The following TECPR2 variants were observed in gnomAD, a reference collection of about 807,000 sequenced individuals.
The protein encoded by TECPR2 is tectonin beta-propeller repeat containing 2.
TECPR2 carries 65 observed loss-of-function variants against 138.1 expected under a neutral mutation model. That is an observed-to-expected ratio of 0.47 (90% CI 0.39 to 0.58). The LOEUF is 0.58. Ranked by LOEUF, TECPR2 falls within the 20% of genes least tolerant of loss-of-function variation. The pLI, the probability that TECPR2 is intolerant of heterozygous loss-of-function variation, is 0.00. For synonymous variants in TECPR2, 746 were observed against 749.8 expected (o/e 0.99, Z 0.08); for missense variants, 1,553 against 1,824.5 (o/e 0.85, Z 2.71).
intron 16 of TECPR2, among the ~76,000 whole-genome samples, chr14:102,463,416 C>CAAAAAAAAA (rs550694466): frequency 5.2e-5 from 2 of 38,520 alleles, no homozygotes; most frequent in African/African-American, 8.3e-5. Context: ...GACTCCGTCT[C>CAAAAAAAAA]AAAAAAAAAA....
chr14:102,399,823 C>G (rs552825860), intron 2 of TECPR2, among the ~76,000 whole-genome samples: 71 of 149,862 alleles, frequency 4.7e-4, no homozygotes, highest in Middle Eastern at 3.4e-3. Flanking sequence ...GAGCAAGACT[C>G]CGTCTCAAAA....
chr14:102,407,908 A>G (rs1888707299), intron 3 of TECPR2, among the ~76,000 whole-genome samples: 1 of 152,076 alleles, frequency 6.6e-6, no homozygotes, highest in Non-Finnish European at 1.5e-5. Flanking sequence ...GAGGCAGGAG[A>G]ATGGCGTGAA....
Position 102,438,117 on chromosome 14 carries a change from C to T in TECPR2, c.2490C>T (p.Gly830=), listed in dbSNP as rs771988695. The change falls in exon 10 of 20, where the codon GGC becomes GGT. Residue 830 remains glycine, a synonymous_variant. Coordinates refer to ENST00000359520, the MANE Select transcript of TECPR2 (RefSeq NM_014844.5). ...ATATCTGGTGCCTGGACTACAAAGG[C>T]GGCCTGTTCTGCAGCGCGTTGCCGG... is the stretch of plus-strand genomic sequence containing the variant. ...EKYIWCLDYK[G]GLFCSALPGA... is the part of the protein sequence containing the mutation. The T allele has an allele frequency of 6.8e-6, 11 of 1,613,970 alleles. No individual in the cohort carries two copies. In the East Asian group the frequency reaches 2.0e-4, roughly 29 times the overall value.
chr14:102,493,353 T>A (rs1297529386), intron 17 of TECPR2, among the ~76,000 whole-genome samples: 1 of 152,190 alleles, frequency 6.6e-6, no homozygotes, highest in Non-Finnish European at 1.5e-5. Context: ...GGCGGGAGCC[T>A]GGCGGGAGCC....
At chr14:102,384,851 T>C (rs1382663590) in intron 2 of TECPR2, among the ~76,000 whole-genome samples, 15 of 115,128 alleles carry the variant, frequency 1.3e-4, no homozygotes, top group Admixed American at 8.1e-5. Context: ...CTTTCCTTTT[T>C]TTTTTTTTTT....
chr14:102,484,388 C>T (rs147017797), intron 17 of TECPR2, among the ~76,000 whole-genome samples: 31 of 152,244 alleles, frequency 2.0e-4, no homozygotes, highest in Admixed American at 4.6e-4. Context: ...CTGTCTAGTT[C>T]GCCTTTTACA....
chr14:102,401,804 CAAAAAAAAAAAAA>C (rs34413626), intron 2 of TECPR2, among the ~76,000 whole-genome samples: 1 of 68,946 alleles, frequency 1.5e-5, no homozygotes, highest in East Asian at 4.8e-4. Flanking sequence ...GACTCCGTCT[CAAAAAAAAAAAAA>C]AAAAAAAAAA....
chr14:102,485,759 C>G (rs369726788), intron 17 of TECPR2, among the ~76,000 whole-genome samples: 30 of 152,302 alleles, frequency 2.0e-4, no homozygotes, highest in African/African-American at 7.2e-4. Context: ...CTTTAGGGAC[C>G]TCTCCCTCTG....
At chr14:102,427,063 G>A (rs1249360726) in intron 6 of TECPR2, among the ~76,000 whole-genome samples, 1 of 151,980 alleles carries the variant, frequency 6.6e-6, no homozygotes, top group African/African-American at 2.4e-5. Flanking sequence ...GTCTCTTATC[G>A]GCCGGAGCCT....
At chr14:102,476,915 T>G (rs2403042) in intron 17 of TECPR2, among the ~76,000 whole-genome samples, 6,254 of 151,964 alleles carry the variant, frequency 0.041, 355 homozygotes, top group African/African-American at 0.13. Flanking sequence ...ATTAGCTGGG[T>G]GCCTGTAGTC....
rs779737306 is a variant in TECPR2, at chr14:102,438,091, T to C, written c.2464T>C (p.Tyr822His). 6 of 1,613,962 alleles carry C rather than the reference T, an allele frequency of 3.7e-6. No individual in the cohort carries two copies. The highest frequency in any genetic ancestry group is 3.3e-5 in the Admixed American group (2 of 60,004). ...CCTCAGCTTGGTGGTCTCCGAGAAGTATATCTGGTGCCTGGACTACAAAGG... is the reference window on the plus strand; with the variant it reads ...CCTCAGCTTGGTGGTCTCCGAGAAGCATATCTGGTGCCTGGACTACAAAGG... The part of the protein sequence containing the change: ...GILSLVVSEK[Y>H]IWCLDYKGGL... Residue 822 changes from tyrosine (Y) to histidine (H), a missense_variant, in exon 10 of 20, where the codon TAT becomes CAT. Physicochemically the swap from Tyr to His is moderately conservative, Grantham distance 83. Transcript: ENST00000359520.
intron 16 of TECPR2, among the ~76,000 whole-genome samples, chr14:102,455,934 G>T (rs1178595802): frequency 2.0e-5 from 3 of 151,994 alleles, no homozygotes; most frequent in Non-Finnish European, 4.4e-5. Context: ...TTGTATTTTG[G>T]GTAGAGATGG....
At chr14:102,411,698 TCAAAAAAAAAAAAA>T (rs1407394317) in intron 4 of TECPR2, among the ~76,000 whole-genome samples, 2 of 9,670 alleles carry the variant, frequency 2.1e-4, no homozygotes, top group Non-Finnish European at 3.8e-4. Flanking sequence ...GCCATGTTGC[TCAAAAAAAAAAAAA>T]AAAAAAAAAA....
chr14:102,483,945 T>C (rs12881625), intron 17 of TECPR2, among the ~76,000 whole-genome samples: 58,265 of 94,594 alleles, frequency 0.62, 19,639 homozygotes, highest in African/African-American at 0.73. Context: ...TATAGGCACC[T>C]GCCACCATGC....
At position 102,435,025 on chromosome 14, in the gene TECPR2, C is replaced by A. The variant is rs767810451; in HGVS notation, c.2208C>A (p.His736Gln). Residue 736 changes from histidine (H) to glutamine (Q), a missense_variant, in exon 9 of 20, where the codon CAC becomes CAA. Coordinates refer to ENST00000359520, the MANE Select transcript of TECPR2 (RefSeq NM_014844.5). ...TPVSALAAST[H>Q]KPWLEQPPRD... ...TCTCTGCCTTGGCAGCCAGCACTCA[C>A]AAGCCCTGGCTTGAGCAGCCTCCAC... is the stretch of plus-strand genomic sequence containing the variant. The A allele has an allele frequency of 5.6e-6, 9 of 1,614,036 alleles. No homozygotes were observed. Among genetic ancestry groups the A allele is most frequent in the African/African-American group, 1.3e-5 (1 of 74,942 alleles).
intron 1 of TECPR2, among the ~76,000 whole-genome samples, chr14:102,365,582 C>T (rs764728701): frequency 5.3e-5 from 8 of 152,260 alleles, no homozygotes; most frequent in Middle Eastern, 3.4e-3. Context: ...CATGGAGGAA[C>T]CTTGAGAACA....
chr14:102,434,630 G>C lies in TECPR2; in HGVS notation c.1813G>C (p.Asp605His), dbSNP rs200087195. ...TGLGDEPCPA[D>H]DGPNSTQLPF... ...ACTCGGAGATGAGCCGTGTCCTGCA[G>C]ATGATGGACCAAATAGCACACAGTT... Residue 605 changes from aspartate (D) to histidine (H), a missense_variant, in exon 9 of 20, where the codon GAT becomes CAT. Coordinates refer to ENST00000359520, the MANE Select transcript of TECPR2 (RefSeq NM_014844.5). The C allele has an allele frequency of 6.3e-7, 1 of 1,593,226 alleles. No individual in the cohort carries two copies. Among genetic ancestry groups the C allele is most frequent in the East Asian group, 2.2e-5 (1 of 44,544 alleles).
chr14:102,387,831 G>T (rs559668481), intron 2 of TECPR2, among the ~76,000 whole-genome samples: 1 of 152,168 alleles, frequency 6.6e-6, no homozygotes, highest in South Asian at 2.1e-4. Context: ...TGGCTGGGTG[G>T]TTGCAGTTTT....
At chr14:102,396,303 G>C (rs558015979) in intron 2 of TECPR2, among the ~76,000 whole-genome samples, 2 of 151,762 alleles carry the variant, frequency 1.3e-5, no homozygotes, top group South Asian at 2.1e-4. Context: ...GAGTTTCGCC[G>C]TGTTGGCCAG....
Sources: allele counts gnomAD v4.1 joint callset (sites outside exome capture counted in the v4.1 genomes callset), GRCh38; gene constraint gnomAD v4.1.1; transcripts MANE v1.5; gene names NCBI Gene and HGNC (gene_info 2026-07-23, HGNC 2026-07-21).